Variants in GRIK2 observed in about 807,000 individuals in gnomAD.
GRIK2 encodes the protein glutamate receptor ionotropic, kainate 2.
Under a neutral mutation model 100.3 loss-of-function variants are expected in GRIK2, and 32 were observed. The ratio of observed to expected loss-of-function variants is 0.32; its 90% confidence interval spans 0.24 to 0.43. The LOEUF is 0.43. Among genes scored for constraint, GRIK2 ranks in the 20% least tolerant of loss-of-function variants. GRIK2 has a pLI of 1.00. For missense variants in GRIK2, 843 were observed against 1,114.9 expected (o/e 0.76, Z 3.47); for synonymous variants, 417 against 389.4 (o/e 1.07, Z -0.83).
intron 8 of GRIK2, among the ~76,000 whole-genome samples, chr6:101,800,570 G>A (rs968400291): frequency 1.3e-5 from 2 of 151,952 alleles, no homozygotes; most frequent in African/African-American, 4.8e-5. Context: ...TAAATCATCA[G>A]TTCATCTTGT....
At chr6:101,871,801 C>G (rs62419299) in intron 11 of GRIK2, among the ~76,000 whole-genome samples, 7,577 of 151,904 alleles carry the variant, frequency 0.05, 255 homozygotes, top group Non-Finnish European at 0.071. Flanking sequence ...TGGGTTGATT[C>G]CTTGTCTTTG....
chr6:101,462,677 A>G (rs577010966), intron 2 of GRIK2, among the ~76,000 whole-genome samples: 10 of 152,304 alleles, frequency 6.6e-5, no homozygotes, highest in Non-Finnish European at 1.3e-4. Flanking sequence ...AAATTTTTAG[A>G]GAATGTAGCC....
At chr6:101,830,935 T>C (rs1490597515) in intron 10 of GRIK2, among the ~76,000 whole-genome samples, 1 of 151,512 alleles carries the variant, frequency 6.6e-6, no homozygotes, top group Non-Finnish European at 1.5e-5. Context: ...GGAAACAAGA[T>C]GGGAACAATA....
chr6:101,763,447 A>C (rs528955179), intron 7 of GRIK2, among the ~76,000 whole-genome samples: 1 of 152,200 alleles, frequency 6.6e-6, no homozygotes, highest in African/African-American at 2.4e-5. Context: ...ATGAATGTCT[A>C]TGTCTCCCAG....
chr6:101,910,934 A>G (rs905540970), intron 12 of GRIK2, among the ~76,000 whole-genome samples: 5 of 148,682 alleles, frequency 3.4e-5, no homozygotes, highest in Non-Finnish European at 1.5e-5. Flanking sequence ...AAGTATCTTT[A>G]TCTAAGATAA....
chr6:102,033,176 A>T (rs966627263), intron 14 of GRIK2, among the ~76,000 whole-genome samples: 1 of 151,436 alleles, frequency 6.6e-6, no homozygotes, highest in Non-Finnish European at 1.5e-5. Context: ...AATAGCATCT[A>T]GCACATGCTA....
chr6:101,528,750 A>G (rs1213735867), intron 2 of GRIK2, among the ~76,000 whole-genome samples: 1 of 152,206 alleles, frequency 6.6e-6, no homozygotes, highest in Non-Finnish European at 1.5e-5. Flanking sequence ...AATTCTAAAG[A>G]AGAAAATACC....
At chr6:101,541,375 AC>A (rs71028074) in intron 2 of GRIK2, among the ~76,000 whole-genome samples, 4,316 of 17,552 alleles carry the variant, frequency 0.25, 222 homozygotes, top group African/African-American at 0.38. Context: ...AGCGCACACA[AC>A]CACACACACA....
intron 14 of GRIK2, among the ~76,000 whole-genome samples, chr6:102,018,794 A>C (rs1452642150): frequency 6.6e-6 from 1 of 152,104 alleles, no homozygotes. Context: ...TGAGCTCCTT[A>C]AATGCTGGGC....
chr6:101,666,192 A>G (rs948708217), intron 4 of GRIK2, among the ~76,000 whole-genome samples: 1 of 152,174 alleles, frequency 6.6e-6, no homozygotes, highest in Non-Finnish European at 1.5e-5. Flanking sequence ...CAGCAAAACA[A>G]TGTAGGTTAA....
chr6:101,612,445 C>T (rs750434074), intron 2 of GRIK2, among the ~76,000 whole-genome samples: 5 of 151,682 alleles, frequency 3.3e-5, no homozygotes, highest in Admixed American at 6.6e-5. Flanking sequence ...CCTGATGTAG[C>T]GTATGATGTC....
At chr6:101,416,789 A>G (rs1050291907) in intron 2 of GRIK2, among the ~76,000 whole-genome samples, 1 of 152,204 alleles carries the variant, frequency 6.6e-6, no homozygotes, top group African/African-American at 2.4e-5. Context: ...TGATATAAAA[A>G]TGTGTGGCCA....
chr6:101,922,723 A>G lies in GRIK2; in HGVS notation c.1749-1878A>G, dbSNP rs190977840. Among the ~76,000 whole-genome samples, 3 of 152,206 alleles carry G rather than the reference A, an allele frequency of 2.0e-5. No homozygotes were observed. The East Asian group carries it at 5.8e-4, about 29-fold the overall frequency. On this transcript the variant is annotated intron_variant, in intron 12 of 16. Coordinates refer to ENST00000369134, the MANE Select transcript of GRIK2 (RefSeq NM_021956.5). ...TGGCATATGGCTGTGAGGGATGGAGATGGGTGCTCTAGCAGCAGAGCCCGT... is the reference window on the plus strand; with the variant it reads ...TGGCATATGGCTGTGAGGGATGGAGGTGGGTGCTCTAGCAGCAGAGCCCGT...
intron 2 of GRIK2, among the ~76,000 whole-genome samples, chr6:101,587,015 A>G (rs972033437): frequency 1.9e-4 from 29 of 152,138 alleles, no homozygotes; most frequent in African/African-American, 7.0e-4. Context: ...ACTCAATGGC[A>G]GCAAGAATCT....
intron 7 of GRIK2, among the ~76,000 whole-genome samples, chr6:101,760,716 T>TTATATTTAATTATATAATTA (rs1777583827): frequency 9.6e-6 from 1 of 103,746 alleles, no homozygotes; most frequent in Non-Finnish European, 1.7e-5. Context: ...ATATATTTAA[T>TTATATTTAATTATATAATTA]TATATTTAAT....
chr6:101,679,616 A>T (rs1217739627), intron 5 of GRIK2, among the ~76,000 whole-genome samples: 4 of 151,628 alleles, frequency 2.6e-5, no homozygotes, highest in Admixed American at 1.3e-4. Context: ...CAAGTTATTT[A>T]AAAAAAAATT....
chr6:101,965,628 T>A (rs1253548459), intron 14 of GRIK2, among the ~76,000 whole-genome samples: 1 of 152,188 alleles, frequency 6.6e-6, no homozygotes, highest in Non-Finnish European at 1.5e-5. Flanking sequence ...ACACAATTGT[T>A]TTTGAATGAC....
At chr6:101,657,086 TAC>T (rs1407165454) in intron 4 of GRIK2, among the ~76,000 whole-genome samples, 1 of 152,182 alleles carries the variant, frequency 6.6e-6, no homozygotes, top group East Asian at 1.9e-4. Flanking sequence ...GTGGATAAAA[TAC>T]ACACTATCAA....
chr6:101,790,340 G>A (rs1355798742), intron 7 of GRIK2, among the ~76,000 whole-genome samples: 1 of 152,006 alleles, frequency 6.6e-6, no homozygotes, highest in Non-Finnish European at 1.5e-5. Context: ...ATTGGCTGTG[G>A]GTTTGTCATA....
Sources: gnomAD v4.1 joint callset for allele counts (sites outside exome capture counted in the v4.1 genomes callset) on GRCh38, gnomAD v4.1.1 for gene constraint, MANE v1.5 for transcripts, NCBI Gene and HGNC (gene_info 2026-07-23, HGNC 2026-07-21) for gene names.